The following CEPT1 variants were observed in gnomAD, a reference collection of about 807,000 sequenced individuals.
CEPT1 encodes choline/ethanolamine phosphotransferase 1.
Under a neutral mutation model 42.6 loss-of-function variants are expected in CEPT1, and 7 were observed. The observed-to-expected ratio is 0.16, with a 90% CI of 0.09 to 0.31. The LOEUF is 0.31. Among genes scored for constraint, CEPT1 ranks in the 10% least tolerant of loss-of-function variants. The probability of loss-of-function intolerance (pLI) is 1.00; values close to 1 mark genes in which losing one functional copy is unlikely to be tolerated. For synonymous variants in CEPT1, 171 were observed against 171.9 expected (o/e 0.99, Z 0.04); for missense variants, 306 against 502.1 (o/e 0.61, Z 3.73).
At chr1:111,151,124 G>A (rs7512688) in intron 2 of CEPT1, among the ~76,000 whole-genome samples, 1 of 140,638 alleles carries the variant, frequency 7.1e-6, no homozygotes, top group African/African-American at 2.6e-5. Flanking sequence ...GTTTTTTTTT[G>A]TTTGTTTTTT....
intron 4 of CEPT1, among the ~76,000 whole-genome samples, chr1:111,164,683 G>A (rs915302372): frequency 1.3e-5 from 2 of 151,978 alleles, no homozygotes; most frequent in African/African-American, 4.8e-5. Context: ...GAGTGTAGTG[G>A]CACAACCTCG....
chr1:111,182,754 T>C (rs780070304), intron 6 of CEPT1, 45 bp from the exon 7 acceptor site: 9 of 1,511,532 alleles, frequency 6.0e-6, no homozygotes, highest in Non-Finnish European at 7.2e-6. Context: ...ATGTAGTATC[T>C]GATGAGTACT....
chr1:111,166,771 A>C (rs1656165480), intron 4 of CEPT1, among the ~76,000 whole-genome samples: 1 of 152,200 alleles, frequency 6.6e-6, no homozygotes, highest in African/African-American at 2.4e-5. Context: ...TTTATGTCAT[A>C]GTGTAATTAT....
Position 111,182,214 on chromosome 1 carries a change from A to AT in CEPT1, c.747dup (p.Pro250SerfsTer64). ...TCCAGTGCTGAATATTCAAATGAAA[A>AT]TTTTTCCTGCACTTTGTACTGTAGC... On this transcript the variant is annotated frameshift_variant, in exon 6 of 9. Coordinates refer to ENST00000357172, the MANE Select transcript of CEPT1 (RefSeq NM_006090.5). LOFTEE classifies it high-confidence loss of function. 1 of 1,608,468 alleles carries AT rather than the reference A, an allele frequency of 6.2e-7. No homozygotes were observed. Among genetic ancestry groups the AT allele is most frequent in the Non-Finnish European group, 8.5e-7 (1 of 1,176,846 alleles).
intron 5 of CEPT1, chr1:111,178,889 G>A (rs1656833990): frequency 6.6e-6 from 1 of 152,086 alleles, no homozygotes; most frequent in South Asian, 2.1e-4. Context: ...ACTTTAAAAT[G>A]CCTTTACACT....
intron 4 of CEPT1, among the ~76,000 whole-genome samples, chr1:111,164,443 A>C (rs184472357): frequency 1.4e-3 from 207 of 152,302 alleles, no homozygotes; most frequent in Non-Finnish European, 2.2e-3. Context: ...CTAGAATTTC[A>C]TGGGAGGATT....
At chr1:111,140,057 C>A (rs1277847295), upstream of CEPT1, 1 of 152,480 alleles carries the variant, frequency 6.6e-6, no homozygotes, top group Non-Finnish European at 1.5e-5. Flanking sequence ...CCGACTAGCG[C>A]TGGCCGCTGG....
chr1:111,141,609 T>TG (rs1377494850), intron 1 of CEPT1, among the ~76,000 whole-genome samples: 2 of 152,240 alleles, frequency 1.3e-5, no homozygotes, highest in African/African-American at 2.4e-5. Context: ...TGTGTGTGTG[T>TG]TTTTTTAAGG....
Position 111,161,237 on chromosome 1 carries a change from A to G in CEPT1, c.570A>G (p.Thr190=), listed in dbSNP as rs779040820. 76 of 1,613,788 alleles carry G rather than the reference A, an allele frequency of 4.7e-5. No individual in the cohort carries two copies. Among genetic ancestry groups the G allele is most frequent in the African/African-American group, 2.4e-4 (18 of 74,888 alleles). ...DWMFFCCFAG[T]FMFYCAHWQT... ...TGTTTTTTTGTTGTTTTGCGGGGAC[A>G]TTTATGTTCTATTGTGCGCACTGGC... is the stretch of plus-strand genomic sequence containing the variant. Residue 190 remains threonine, a synonymous_variant, in exon 4 of 9, where the codon ACA becomes ACG. Coordinates refer to ENST00000357172, the MANE Select transcript of CEPT1 (RefSeq NM_006090.5).
At chr1:111,173,783 T>C (rs1186711815) in intron 4 of CEPT1, among the ~76,000 whole-genome samples, 1 of 152,150 alleles carries the variant, frequency 6.6e-6, no homozygotes, top group Non-Finnish European at 1.5e-5. Context: ...TATTTGTCTC[T>C]TTTTTTACAC....
chr1:111,177,288 G>C (rs969815631), intron 5 of CEPT1, among the ~76,000 whole-genome samples: 1 of 152,126 alleles, frequency 6.6e-6, no homozygotes, highest in South Asian at 2.1e-4. Flanking sequence ...GCTATGAAGG[G>C]GGCTGGGAGG....
rs865860896 is a variant in CEPT1 at position 111,166,568 on chromosome 1, A to T, written c.629+5272A>T. On this transcript the variant is annotated intron_variant, in intron 4 of 8. Coordinates refer to ENST00000357172, the MANE Select transcript of CEPT1 (RefSeq NM_006090.5). ...CATATCCAAATAGAAGTTACTCTTG[A>T]TTAGATTCTTTCCCACTTACCCTTT... Among the ~76,000 whole-genome samples, 4 of 152,186 alleles carry T rather than the reference A, an allele frequency of 2.6e-5. No homozygotes were observed. The South Asian group carries it at 6.2e-4, about 24-fold the overall frequency.
In CEPT1 at chr1:111,159,399, T is replaced by C; in HGVS notation, c.359T>C (p.Ile120Thr). 1 of 1,612,446 alleles carries C rather than the reference T, an allele frequency of 6.2e-7. No homozygotes were observed. The highest frequency in any genetic ancestry group is 8.5e-7 in the Non-Finnish European group (1 of 1,179,566). ...TCACAGGCACCTCTGTGGGCATATATTGCTTGTGCCTGTGGCCTTTTCATT... is the reference window on the plus strand; with the variant it reads ...TCACAGGCACCTCTGTGGGCATATACTGCTTGTGCCTGTGGCCTTTTCATT... ...ATEQAPLWAY[I>T]ACACGLFIYQ... Residue 120 changes from isoleucine to threonine, a missense_variant, in exon 3 of 9, where the codon ATT becomes ACT. Coordinates refer to ENST00000357172, the MANE Select transcript of CEPT1 (RefSeq NM_006090.5).
rs1657158395 is a variant in CEPT1 at position 111,184,485 on chromosome 1, A to G, written c.*175A>G. On this transcript the variant is annotated 3_prime_UTR_variant, in exon 9 of 9. Coordinates refer to ENST00000357172, the MANE Select transcript of CEPT1 (RefSeq NM_006090.5). ...ATCCTGTGTGAGAATGGGAATTTCA[A>G]GTCCCATCTTGTAAATTGTATATGT... The G allele has an allele frequency of 1.0e-5, 5 of 499,172 alleles. No homozygotes were observed. The highest frequency in any genetic ancestry group is 1.4e-5 in the Non-Finnish European group (4 of 291,458). 30.9% of individuals were successfully genotyped at this position (499,172 alleles called of 1,614,324 possible).
At chr1:111,145,241 C>T (rs1459733827) in intron 1 of CEPT1, among the ~76,000 whole-genome samples, 3 of 152,192 alleles carry the variant, frequency 2.0e-5, no homozygotes, top group Non-Finnish European at 4.4e-5. Flanking sequence ...GTCTCGAACT[C>T]CTGACCTCAG....
At chr1:111,184,115 G>C in intron 8 of CEPT1, 76 bp from the exon 9 acceptor site, 2 of 1,446,188 alleles carry the variant, frequency 1.4e-6, no homozygotes, top group Non-Finnish European at 1.9e-6. Context: ...AGAGAGAACA[G>C]AGTCCAGTCC....
rs560536342 is a variant in CEPT1 at position 111,148,180 on chromosome 1, C to T, written c.339+127C>T. On this transcript the variant is annotated intron_variant, in intron 2 of 8. Transcript: ENST00000357172. ...GTCAACTATTTTAAAATATCACACACACTGTGATAAAGCTTGTAAGTACAG... is the reference window on the plus strand; with the variant it reads ...GTCAACTATTTTAAAATATCACACATACTGTGATAAAGCTTGTAAGTACAG... 4.2e-6 allele frequency: 3 copies of T among 714,314 alleles called. No individual in the cohort carries two copies. The South Asian group carries it at 5.4e-5, about 13-fold the overall frequency. 44.2% of individuals were successfully genotyped at this position (714,314 alleles called of 1,614,324 possible).
intron 7 of CEPT1, among the ~76,000 whole-genome samples, chr1:111,183,223 T>C (rs925587156): frequency 1.3e-5 from 2 of 152,234 alleles, no homozygotes; most frequent in African/African-American, 2.4e-5. Context: ...ATTCTCAGTC[T>C]CAATCTGGAC....
intron 2 of CEPT1, among the ~76,000 whole-genome samples, chr1:111,148,685 C>T (rs1655108216): frequency 6.6e-6 from 1 of 152,232 alleles, no homozygotes; most frequent in Non-Finnish European, 1.5e-5. Flanking sequence ...CCAAGCCTCT[C>T]TTCTACCGTT....
Sources: allele counts gnomAD v4.1 joint callset (sites outside exome capture counted in the v4.1 genomes callset), GRCh38; gene constraint gnomAD v4.1.1; transcripts MANE v1.5; gene names NCBI Gene and HGNC (gene_info 2026-07-23, HGNC 2026-07-21).